GLI3: variants seen among roughly 807,000 people sequenced by gnomAD.
The protein encoded by GLI3 is transcription activator GLI3.
In GLI3, 20 loss-of-function variants were observed where a neutral mutation model predicts 100.8. That is an observed-to-expected ratio of 0.20 (90% CI 0.14 to 0.29). The LOEUF (loss-of-function observed/expected upper bound fraction) is 0.29, where lower values mean the gene tolerates loss of function less well. Among genes scored for constraint, GLI3 ranks in the 10% least tolerant of loss-of-function variants. GLI3 has a pLI of 1.00. For synonymous variants in GLI3, 938 were observed against 860.5 expected (o/e 1.09, Z -1.58); for missense variants, 2,040 against 2,128.5 (o/e 0.96, Z 0.82).
rs554110522 is a variant in GLI3 at position 42,184,831 on chromosome 7, A to T, written c.125-36363T>A. Among the ~76,000 whole-genome samples the T allele has an allele frequency of 3.8e-4, 58 of 152,194 alleles. 1 individual carries two copies. In the South Asian group the frequency reaches 0.012, roughly 31 times the overall value. The stretch of plus-strand genomic sequence containing the variant: ...CAGCCGTCTCAGTACGACTTGGGAC[A>T]ACTCTTACTCCCCACTGGACCCCTG... On this transcript the variant is annotated intron_variant, in intron 2 of 14. Transcript: ENST00000395925.
rs181560077 is a variant in GLI3, at chr7:42,051,478, A to G, written c.474-2782T>C. Among the ~76,000 whole-genome samples, 410 of 152,324 alleles carry G rather than the reference A, an allele frequency of 2.7e-3. 3 individuals carry two copies. The highest frequency in any genetic ancestry group is 9.5e-3 in the African/African-American group (394 of 41,564). On this transcript the variant is annotated intron_variant, in intron 4 of 14. Coordinates refer to ENST00000395925, the MANE Select transcript of GLI3 (RefSeq NM_000168.6). ...TACACATACATCCATATGTAAAATC[A>G]TATGTGACATATACATCACATACTG...
At chr7:42,251,743 G>A (rs1789034444) in intron 1 of GLI3, among the ~76,000 whole-genome samples, 1 of 152,150 alleles carries the variant, frequency 6.6e-6, no homozygotes, top group East Asian at 1.9e-4. Flanking sequence ...AGAGAGGTGA[G>A]GTTACCTGCT....
At chr7:42,132,810 T>C (rs965682071) in intron 3 of GLI3, among the ~76,000 whole-genome samples, 2 of 152,132 alleles carry the variant, frequency 1.3e-5, no homozygotes, top group African/African-American at 2.4e-5. Context: ...TGAGCCAACA[T>C]GAGCAGGTTG....
At chr7:42,179,836 G>A (rs528782366) in intron 2 of GLI3, among the ~76,000 whole-genome samples, 1 of 152,164 alleles carries the variant, frequency 6.6e-6, no homozygotes, top group Admixed American at 6.5e-5. Flanking sequence ...GGCTAGAAAA[G>A]GTGTAGCAGC....
At chr7:42,257,354 C>CTT (rs61449410) in intron 1 of GLI3, among the ~76,000 whole-genome samples, 48 of 130,570 alleles carry the variant, frequency 3.7e-4, no homozygotes, top group Middle Eastern at 4.1e-3. Flanking sequence ...ATCATTCAGT[C>CTT]TTTTTTTTTT....
chr7:42,013,041 G>T (rs556500425), intron 10 of GLI3, among the ~76,000 whole-genome samples: 1 of 152,186 alleles, frequency 6.6e-6, no homozygotes, highest in South Asian at 2.1e-4. Context: ...AGATTGGGCC[G>T]GTTATGTTAG....
At chr7:41,989,521 G>T (rs948299316) in intron 10 of GLI3, among the ~76,000 whole-genome samples, 1 of 152,106 alleles carries the variant, frequency 6.6e-6, no homozygotes, top group African/African-American at 2.4e-5. Context: ...TCTTATGCAC[G>T]ATCATTCCTA....
chr7:42,230,573 A>G (rs370502645), intron 1 of GLI3, among the ~76,000 whole-genome samples: 10 of 152,246 alleles, frequency 6.6e-5, no homozygotes, highest in African/African-American at 2.4e-4. Context: ...TAAAATCACA[A>G]ACAACATTTC....
At chr7:42,191,708 A>T (rs1384829769) in intron 2 of GLI3, among the ~76,000 whole-genome samples, 6 of 151,874 alleles carry the variant, frequency 4.0e-5, no homozygotes, top group Non-Finnish European at 7.4e-5. Flanking sequence ...TGCCAGAAAC[A>T]GTGTTAAGCC....
intron 4 of GLI3, among the ~76,000 whole-genome samples, chr7:42,050,612 T>C (rs895310530): frequency 6.6e-6 from 1 of 152,312 alleles, no homozygotes; most frequent in South Asian, 2.1e-4. Flanking sequence ...CACAGACTTG[T>C]TTATAGATTT....
rs767210981 is a variant in GLI3 at position 41,966,145 on chromosome 7, C to G, written c.2928G>C (p.Pro976=). ...PGVALPPVHA[P]RRCSDGGAHG... ...GGGCTCCCCCGTCGCTGCACCTCCT[C>G]GGGGCATGAACTGGAGGCAGGGCCA... The change falls in exon 15 of 15, where the codon CCG becomes CCC. Residue 976 remains proline (P), a synonymous_variant. Coordinates refer to ENST00000395925, the MANE Select transcript of GLI3 (RefSeq NM_000168.6). This position sits in a 1 kb window ranked among gnomAD's most constrained non-coding sequence, Gnocchi z 5.8. The G allele has an allele frequency of 6.3e-7, 1 of 1,594,946 alleles. No homozygotes were observed.
intron 4 of GLI3, among the ~76,000 whole-genome samples, chr7:42,074,609 T>C (rs1324324755): frequency 6.6e-6 from 1 of 151,962 alleles, no homozygotes; most frequent in Non-Finnish European, 1.5e-5. Flanking sequence ...AGAATGTCAG[T>C]CACAAAGACA....
At position 41,964,067 on chromosome 7, in the gene GLI3, T is replaced by G. The variant is rs1043479068; in HGVS notation, c.*263A>C. Reference sequence around the variant, plus strand: ...TAAAAAGGGGGCGGGGCTTACAGTTTTTTTTTTTTTTTTTAAAAAGAGGGT... The same window carrying G: ...TAAAAAGGGGGCGGGGCTTACAGTTGTTTTTTTTTTTTTTAAAAAGAGGGT... On this transcript the variant is annotated 3_prime_UTR_variant, in exon 15 of 15. Coordinates refer to ENST00000395925, the MANE Select transcript of GLI3 (RefSeq NM_000168.6). The G allele has an allele frequency of 2.1e-5, 6 of 289,258 alleles. No homozygotes were observed. Among genetic ancestry groups the G allele is most frequent in the African/African-American group, 1.1e-4 (5 of 45,370 alleles). 17.9% of individuals were successfully genotyped at this position (289,258 alleles called of 1,614,324 possible).
chr7:42,040,326 G>T (rs968893396), intron 6 of GLI3, 87 bp from the exon 7 acceptor site: 33 of 996,860 alleles, frequency 3.3e-5, no homozygotes, highest in Middle Eastern at 3.0e-4. Context: ...TGGAAGAAGT[G>T]AAGGATAAGA....
At chr7:42,157,224 G>C (rs1787023483) in intron 2 of GLI3, among the ~76,000 whole-genome samples, 1 of 152,172 alleles carries the variant, frequency 6.6e-6, no homozygotes, top group Non-Finnish European at 1.5e-5. Context: ...ATGGCCCACT[G>C]ACCTCAGCTA....
At chr7:42,140,687 G>A (rs1015782111) in intron 3 of GLI3, among the ~76,000 whole-genome samples, 1 of 152,144 alleles carries the variant, frequency 6.6e-6, no homozygotes, top group Non-Finnish European at 1.5e-5. Context: ...GAAAAATCAA[G>A]CCCTTTCCCT....
Position 42,141,684 on chromosome 7 carries a change from T to TA in GLI3, c.367+6541dup, listed in dbSNP as rs1016340412. 1.3e-4 allele frequency among the ~76,000 whole-genome samples: 20 copies of TA among 152,006 alleles called. No individual in the cohort carries two copies. In the East Asian group the frequency reaches 1.4e-3, roughly 10 times the overall value. ...AAGACTCCGCCTCAAAAATAAAAAATAAAAAAATGCAGATTTTACAAATGT... is the reference window on the plus strand; with the variant it reads ...AAGACTCCGCCTCAAAAATAAAAAATAAAAAAAATGCAGATTTTACAAATGT... On this transcript the variant is annotated intron_variant, in intron 3 of 14. Transcript: ENST00000395925.
At chr7:42,194,757 C>CTATTTT (rs1338910591) in intron 2 of GLI3, among the ~76,000 whole-genome samples, 1 of 81,860 alleles carries the variant, frequency 1.2e-5, no homozygotes, top group Non-Finnish European at 2.4e-5. Context: ...CTCTCTCTGT[C>CTATTTT]TCTTTTTTTT....
At chr7:42,003,094 T>C (rs1172932068) in intron 10 of GLI3, among the ~76,000 whole-genome samples, 1 of 152,232 alleles carries the variant, frequency 6.6e-6, no homozygotes, top group East Asian at 1.9e-4. Flanking sequence ...AGTGTCTGAC[T>C]GATAGCAGTA....
Sources: allele counts gnomAD v4.1 joint callset (sites outside exome capture counted in the v4.1 genomes callset), GRCh38; gene constraint gnomAD v4.1.1; non-coding constraint Gnocchi (gnomAD v3.1); transcripts MANE v1.5; gene names NCBI Gene and HGNC (gene_info 2026-07-23, HGNC 2026-07-21).